The following SLCO1A2 variants were observed in gnomAD, a reference collection of about 807,000 sequenced individuals.
SLCO1A2 encodes the protein OATP-1.
A neutral mutation model predicts 69.0 loss-of-function variants in SLCO1A2; 67 were observed. That is an observed-to-expected ratio of 0.97 (90% CI 0.80 to 1.19). The LOEUF (loss-of-function observed/expected upper bound fraction) is 1.19, where lower values mean the gene tolerates loss of function less well. Ranked by LOEUF, SLCO1A2 falls within the 50% of genes most tolerant of loss-of-function variation. The pLI, the probability that SLCO1A2 is intolerant of heterozygous loss-of-function variation, is 0.00. For synonymous variants in SLCO1A2, 260 were observed against 265.9 expected, an observed-to-expected ratio of 0.98 and a Z score of 0.22; for missense variants, 787 against 793.7, an observed-to-expected ratio of 0.99 and a Z score of 0.10.
At chr12:21,397,301 T>C (rs1173815315), upstream of SLCO1A2, among the ~76,000 whole-genome samples, 2 of 151,806 alleles carry the variant, frequency 1.3e-5, no homozygotes, top group African/African-American at 2.4e-5. Flanking sequence ...GGTAAAGGGA[T>C]CAATTCAACA....
At chr12:21,297,370 A>C (rs764348296) in intron 9 of SLCO1A2, 34 bp downstream of exon 9, 5 of 1,572,188 alleles carry the variant, frequency 3.2e-6, no homozygotes, top group East Asian at 4.5e-5. Context: ...TGGGGGGGAA[A>C]GTGTGCTAGT....
At chr12:21,317,849 A>G (rs1179541919) in intron 3 of SLCO1A2, among the ~76,000 whole-genome samples, 2 of 152,194 alleles carry the variant, frequency 1.3e-5, no homozygotes, top group Non-Finnish European at 2.9e-5. Context: ...TTTTCATGGA[A>G]GAAATCTTCC....
intron 4 of SLCO1A2, among the ~76,000 whole-genome samples, chr12:21,312,068 GGAAGAAGAA>G (rs1370538541): frequency 7.7e-6 from 1 of 130,434 alleles, no homozygotes; most frequent in African/African-American, 4.1e-5. Flanking sequence ...AAGAAGAAGA[GGAAGAAGAA>G]GAGGAGGAGG....
chr12:21,330,814 A>T (rs1379842983), intron 2 of SLCO1A2, among the ~76,000 whole-genome samples: 2 of 152,150 alleles, frequency 1.3e-5, no homozygotes, highest in Non-Finnish European at 1.5e-5. Flanking sequence ...CTTTAATTGT[A>T]GCCAACTGAA....
At chr12:21,270,222 A>T (rs892497270) in intron 14 of SLCO1A2, among the ~76,000 whole-genome samples, 1 of 151,842 alleles carries the variant, frequency 6.6e-6, no homozygotes, top group Admixed American at 6.6e-5. Context: ...CAAAGTTTTA[A>T]TCATGAATGT....
chr12:21,325,829 C>A (rs1299845894), intron 2 of SLCO1A2, among the ~76,000 whole-genome samples: 1 of 152,100 alleles, frequency 6.6e-6, no homozygotes, highest in Non-Finnish European at 1.5e-5. Flanking sequence ...TTGTTAATTA[C>A]CCCAGTGTTT....
At position 21,291,211 on chromosome 12, in the gene SLCO1A2, GT is replaced by G. The variant is rs1287594572; in HGVS notation, c.1610+952del. On this transcript the variant is annotated intron_variant, in intron 12 of 14. Transcript: ENST00000683939. ...ATAAAAATTACTCTAAATAGGACTGGTGAATTTATCTATGCATCTACCTTAT... is the reference window on the plus strand; with the variant it reads ...ATAAAAATTACTCTAAATAGGACTGGGAATTTATCTATGCATCTACCTTAT... Among the ~76,000 whole-genome samples the G allele has an allele frequency of 2.6e-5, 4 of 152,178 alleles. No homozygotes were observed. The East Asian group carries it at 7.7e-4, about 29-fold the overall frequency.
At chr12:21,348,979 A>T (rs1376274832) in intron 2 of SLCO1A2, among the ~76,000 whole-genome samples, 4 of 152,174 alleles carry the variant, frequency 2.6e-5, no homozygotes, top group Non-Finnish European at 5.9e-5. Flanking sequence ...ACTCTGGTAG[A>T]GTATGTTAAT....
chr12:21,304,060 C>A (rs1266894289), intron 6 of SLCO1A2, among the ~76,000 whole-genome samples: 1 of 151,928 alleles, frequency 6.6e-6, no homozygotes, highest in Non-Finnish European at 1.5e-5. Context: ...TAATGAGAAC[C>A]TCAACAAAAA....
At chr12:21,415,058 G>T (rs1941968361) in intron 1 of SLCO1A2, among the ~76,000 whole-genome samples, 1 of 151,616 alleles carries the variant, frequency 6.6e-6, no homozygotes, top group African/African-American at 2.4e-5. Context: ...GTACACATTT[G>T]GATTATTTAC....
intron 2 of SLCO1A2, chr12:21,319,374 T>C (rs770643301): frequency 1.5e-6 from 2 of 1,367,982 alleles, no homozygotes; most frequent in Non-Finnish European, 2.0e-6. Flanking sequence ...CAGATTACCT[T>C]GGCCGACTCC....
At position 21,334,548 on chromosome 12, in the gene SLCO1A2, A is replaced by T. The variant is rs1952808575; in HGVS notation, c.60+40T>A. 28 of 1,439,620 alleles carry T rather than the reference A, an allele frequency of 1.9e-5. 1 individual carries two copies. The highest frequency in any genetic ancestry group is 2.6e-5 in the Non-Finnish European group (27 of 1,032,516). 89.2% of individuals were successfully genotyped at this position (1,439,620 alleles called of 1,614,324 possible). A position where few individuals can be genotyped will look rare whatever the true frequency, so the allele number is the denominator to read the frequency against. On this transcript the variant is annotated intron_variant, in intron 2 of 14. Transcript: ENST00000683939. The stretch of plus-strand genomic sequence containing the variant: ...CCAGGACTGTCGTATTTTAAAAACT[A>T]GTGTACATGCACATATATCCACATA...
At chr12:21,348,447 G>A (rs1937673267) in intron 2 of SLCO1A2, among the ~76,000 whole-genome samples, 1 of 152,096 alleles carries the variant, frequency 6.6e-6, no homozygotes, top group Non-Finnish European at 1.5e-5. Context: ...ATGTCCATGA[G>A]TTCTACTGTT....
Position 21,300,398 on chromosome 12 carries a change from T to A in SLCO1A2, c.860A>T (p.Glu287Val), listed in dbSNP as rs753001638. Residue 287 changes from glutamate to valine, a missense_variant, in exon 8 of 15, where the codon GAA becomes GTA. Transcript: ENST00000683939. The part of the protein sequence containing the change: ...TNADIIKNEN[E>V]DKQKEEVKKE... ...CTTGACCTCTTCTTTTTGTTTGTCT[T>A]CATTTTCATTTTTAATGATGTCAGC... The A allele has an allele frequency of 6.2e-7, 1 of 1,613,544 alleles. No individual in the cohort carries two copies. The highest frequency in any genetic ancestry group is 1.1e-5 in the South Asian group (1 of 91,050).
chr12:21,386,350 C>T (rs1236857406), intron 1 of SLCO1A2, among the ~76,000 whole-genome samples: 1 of 152,080 alleles, frequency 6.6e-6, no homozygotes, highest in Non-Finnish European at 1.5e-5. Flanking sequence ...ATATAACAAT[C>T]CCTAGTGATA....
chr12:21,283,565 G>T (rs1054299302), intron 12 of SLCO1A2, among the ~76,000 whole-genome samples: 3 of 151,890 alleles, frequency 2.0e-5, no homozygotes, highest in African/African-American at 7.3e-5. Flanking sequence ...AAAAAAAATG[G>T]ATAAATGGGA....
chr12:21,332,378 G>A (rs1486917044), intron 2 of SLCO1A2, among the ~76,000 whole-genome samples: 2 of 152,020 alleles, frequency 1.3e-5, no homozygotes, highest in African/African-American at 4.8e-5. Flanking sequence ...TGGAGACCAA[G>A]GTTTTATCAT....
At chr12:21,276,377 G>A (rs1943827787) in intron 12 of SLCO1A2, among the ~76,000 whole-genome samples, 1 of 145,066 alleles carries the variant, frequency 6.9e-6, no homozygotes, top group Non-Finnish European at 1.5e-5. Flanking sequence ...AGATGATAGA[G>A]ATAAATATGG....
chr12:21,286,355 A>G (rs1453846989), intron 12 of SLCO1A2, among the ~76,000 whole-genome samples: 985 of 106,946 alleles, frequency 9.2e-3, no homozygotes, highest in African/African-American at 0.015. Flanking sequence ...CAAGGAAATA[A>G]AAGAGGATAC....
Sources: allele counts gnomAD v4.1 joint callset (sites outside exome capture counted in the v4.1 genomes callset), GRCh38; gene constraint gnomAD v4.1.1; transcripts MANE v1.5; gene names NCBI Gene and HGNC (gene_info 2026-07-23, HGNC 2026-07-21).